FAM81A: variants seen among roughly 807,000 people sequenced by gnomAD.
The protein encoded by FAM81A is protein FAM81A.
Under a neutral mutation model 46.7 loss-of-function variants are expected in FAM81A, and 19 were observed. That is an observed-to-expected ratio of 0.41 (90% confidence interval 0.28 to 0.60). The LOEUF is 0.60. Ranked by LOEUF, FAM81A falls within the 20% of genes least tolerant of loss-of-function variation. The pLI, the probability that FAM81A is intolerant of heterozygous loss-of-function variation, is 0.34. For synonymous variants in FAM81A, 183 were observed against 152.9 expected (o/e 1.20, Z -1.45); for missense variants, 377 against 453.5 (o/e 0.83, Z 1.53).
chr15:59,507,098 A>T, intron 4 of FAM81A, 115 bp from the exon 5 acceptor site: 1 of 1,328,980 alleles, frequency 7.5e-7, no homozygotes, highest in Non-Finnish European at 1.0e-6. Context: ...GTTCAAAAGA[A>T]TGATGGATAG....
intron 2 of FAM81A, among the ~76,000 whole-genome samples, chr15:59,409,418 C>T (rs1457966558): frequency 6.6e-6 from 1 of 152,178 alleles, no homozygotes; most frequent in South Asian, 2.1e-4. Context: ...ACAATACCCC[C>T]TACTTCATGC....
chr15:59,413,374 G>A (rs1408030670), intron 2 of FAM81A, among the ~76,000 whole-genome samples: 1 of 148,240 alleles, frequency 6.7e-6, no homozygotes, highest in Admixed American at 7.0e-5. Context: ...AGGAGGAACT[G>A]ACCATCTCTA....
At chr15:59,453,520 C>G (rs1299356804) in intron 1 of FAM81A, among the ~76,000 whole-genome samples, 2 of 152,096 alleles carry the variant, frequency 1.3e-5, no homozygotes, top group Non-Finnish European at 2.9e-5. Flanking sequence ...TGAGATCATA[C>G]AGCTAGTGGG....
intron 4 of FAM81A, among the ~76,000 whole-genome samples, chr15:59,496,320 T>C (rs1018704651): frequency 6.6e-6 from 1 of 152,178 alleles, no homozygotes; most frequent in African/African-American, 2.4e-5. Context: ...GAAAAATCAC[T>C]TGGCGGCCGG....
At position 59,492,276 on chromosome 15, in the gene FAM81A, C is replaced by G. The variant is rs767760805; in HGVS notation, c.300C>G (p.Leu100=). The G allele has an allele frequency of 6.2e-7, 1 of 1,611,028 alleles. No homozygotes were observed. The highest frequency in any genetic ancestry group is 8.5e-7 in the Non-Finnish European group (1 of 1,178,056). ...GTGTTTTTTATGTTGCCCAGGTACT[C>G]CAGGAGCAGATTCGTGCCCGGGACA... ...VKQLNRDIEV[L]QEQIRARDNI... Residue 100 remains leucine, a synonymous_variant, in exon 4 of 9, where the codon CTC becomes CTG. Coordinates refer to ENST00000288228, the MANE Select transcript of FAM81A (RefSeq NM_152450.3).
chr15:59,499,850 T>C (rs1420756412), intron 4 of FAM81A, among the ~76,000 whole-genome samples: 1 of 150,408 alleles, frequency 6.6e-6, no homozygotes, highest in Non-Finnish European at 1.5e-5. Flanking sequence ...CTATGTCTTT[T>C]TCATTTTCAT....
intron 3 of FAM81A, among the ~76,000 whole-genome samples, chr15:59,461,692 G>C (rs1448629163): frequency 6.6e-6 from 1 of 152,028 alleles, no homozygotes; most frequent in Non-Finnish European, 1.5e-5. Flanking sequence ...TCCTTTTTAT[G>C]TCTGAGTAAT....
intron 2 of FAM81A, among the ~76,000 whole-genome samples, chr15:59,418,471 A>G (rs1433730153): frequency 6.6e-6 from 1 of 152,208 alleles, no homozygotes; most frequent in African/African-American, 2.4e-5. Context: ...ATTCTCCCCA[A>G]AAGTAGAGCA....
chr15:59,456,815 C>T (rs1596485496), intron 1 of FAM81A, among the ~76,000 whole-genome samples: 2 of 152,270 alleles, frequency 1.3e-5, no homozygotes, highest in African/African-American at 4.8e-5. Context: ...GCTTGAACTC[C>T]TGGGCTCAAG....
At chr15:59,441,504 G>A (rs1024068820) in intron 1 of FAM81A, among the ~76,000 whole-genome samples, 11 of 152,236 alleles carry the variant, frequency 7.2e-5, no homozygotes, top group Admixed American at 5.2e-4. Flanking sequence ...GTATGGGGTA[G>A]CACTGTTTTT....
At chr15:59,455,731 G>A (rs1022013766) in intron 1 of FAM81A, among the ~76,000 whole-genome samples, 13 of 152,140 alleles carry the variant, frequency 8.5e-5, no homozygotes, top group African/African-American at 3.1e-4. Context: ...AGCCATCTCC[G>A]ATAATCAGTG....
upstream of FAM81A, among the ~76,000 whole-genome samples, chr15:59,436,780 T>A (rs1280159526): frequency 1.3e-5 from 2 of 151,866 alleles, no homozygotes; most frequent in Non-Finnish European, 2.9e-5. Context: ...ATCATTGAGC[T>A]TTTGCAGCAC....
chr15:59,442,100 C>T (rs1419672835), intron 1 of FAM81A, among the ~76,000 whole-genome samples: 2 of 152,144 alleles, frequency 1.3e-5, no homozygotes, highest in Admixed American at 6.6e-5. Flanking sequence ...AAAGGGACTC[C>T]ACCAGTCTGA....
At chr15:59,516,595 G>A (rs2082269417) in intron 7 of FAM81A, 50 bp from the exon 8 acceptor site, 1 of 1,558,570 alleles carries the variant, frequency 6.4e-7, no homozygotes, top group African/African-American at 1.4e-5. Context: ...TGAATGCAAT[G>A]CAGATTTCTT....
chr15:59,415,018 G>C (rs910715986), intron 2 of FAM81A, among the ~76,000 whole-genome samples: 1 of 151,412 alleles, frequency 6.6e-6, no homozygotes, highest in South Asian at 2.1e-4. Context: ...GGTTTTCACT[G>C]TATTAGCCAG....
rs767916083 is a variant in FAM81A at position 59,458,620 on chromosome 15, A to G, written c.-7A>G. The G allele has an allele frequency of 1.1e-5, 17 of 1,613,838 alleles. No homozygotes were observed. Among genetic ancestry groups the G allele is most frequent in the Non-Finnish European group, 1.4e-5 (16 of 1,179,820 alleles). On this transcript the variant is annotated 5_prime_UTR_variant, in exon 2 of 9. Transcript: ENST00000288228. Reference sequence around the variant, plus strand: ...CCTTCTCGTGTCACCAAGGAAAGGTATAATATATGGAAAATATGCATCTAA... The same window carrying G: ...CCTTCTCGTGTCACCAAGGAAAGGTGTAATATATGGAAAATATGCATCTAA...
chr15:59,399,633 T>C (rs1043782587), intron 1 of FAM81A, among the ~76,000 whole-genome samples: 2 of 152,088 alleles, frequency 1.3e-5, no homozygotes, highest in Non-Finnish European at 2.9e-5. Flanking sequence ...GCCACAAGAA[T>C]GAAGAAGTGT....
At chr15:59,420,465 CA>C (rs771077063) in intron 2 of FAM81A, among the ~76,000 whole-genome samples, 1 of 152,200 alleles carries the variant, frequency 6.6e-6, no homozygotes, top group Admixed American at 6.5e-5. Flanking sequence ...GAGGCTCTTT[CA>C]AATTAGGACA....
chr15:59,454,396 C>G (rs1172863500), intron 1 of FAM81A, among the ~76,000 whole-genome samples: 3 of 152,112 alleles, frequency 2.0e-5, no homozygotes, highest in Non-Finnish European at 4.4e-5. Context: ...TACTCAGTGT[C>G]ACATCACTTA....
Sources: gnomAD v4.1 joint callset for allele counts (sites outside exome capture counted in the v4.1 genomes callset) on GRCh38, gnomAD v4.1.1 for gene constraint, MANE v1.5 for transcripts, NCBI Gene and HGNC (gene_info 2026-07-23, HGNC 2026-07-21) for gene names.